CCDC32: variants seen among roughly 807,000 people sequenced by gnomAD.
CCDC32 encodes the protein coiled-coil domain containing 32.
Under a neutral mutation model 20.1 loss-of-function variants are expected in CCDC32, and 9 were observed. The ratio of observed to expected loss-of-function variants is 0.45; its 90% CI spans 0.27 to 0.78. The LOEUF (loss-of-function observed/expected upper bound fraction) is 0.78. Among genes scored for constraint, CCDC32 ranks in the 30% least tolerant of loss-of-function variants. The pLI is 0.16. For synonymous variants in CCDC32, 63 were observed against 79.0 expected, an observed-to-expected ratio of 0.80 and a Z score of 1.07; for missense variants, 204 against 215.5, an observed-to-expected ratio of 0.95 and a Z score of 0.33.
downstream of CCDC32, among the ~76,000 whole-genome samples, chr15:40,532,586 G>A (rs949898107): frequency 2.6e-5 from 4 of 151,862 alleles, no homozygotes; most frequent in African/African-American, 4.8e-5. Context: ...TGTAATCATG[G>A]ACAAATTTGT....
the CCDC32 span, among the ~76,000 whole-genome samples, chr15:40,522,825 TTTC>T: frequency 1.7e-5 from 1 of 57,544 alleles, no homozygotes; most frequent in Admixed American, 2.7e-4. Context: ...CTGGTTTTCC[TTTC>T]TTTTTTTTTT....
At chr15:40,555,172 G>T (rs1309870414) in intron 3 of CCDC32, among the ~76,000 whole-genome samples, 1 of 152,158 alleles carries the variant, frequency 6.6e-6, no homozygotes, top group Non-Finnish European at 1.5e-5. Context: ...TAGGCTCTGG[G>T]GAAAAATCTA....
chr15:40,541,846 A>C (rs1489595177), intron 3 of CCDC32, among the ~76,000 whole-genome samples: 3 of 152,202 alleles, frequency 2.0e-5, no homozygotes, highest in Admixed American at 1.3e-4. Context: ...CTTCCAACCC[A>C]AGAGTCTGTC....
chr15:40,559,445 G>A (rs929214372), intron 2 of CCDC32, among the ~76,000 whole-genome samples: 1 of 152,114 alleles, frequency 6.6e-6, no homozygotes, highest in Non-Finnish European at 1.5e-5. Context: ...AAGGGATCTC[G>A]TTCTATAGCT....
chr15:40,527,492 A>G (rs975106506), downstream of CCDC32, among the ~76,000 whole-genome samples: 6 of 152,204 alleles, frequency 3.9e-5, no homozygotes, highest in Admixed American at 2.6e-4. Flanking sequence ...ATTGTTGTAC[A>G]TAGGTGCTAT....
chr15:40,533,482 G>A (rs1888974796), downstream of CCDC32, among the ~76,000 whole-genome samples: 2 of 151,960 alleles, frequency 1.3e-5, no homozygotes, highest in Admixed American at 1.3e-4. Flanking sequence ...GAGTAGCTGG[G>A]ACTACAAGTG....
At chr15:40,564,889 A>C in intron 1 of CCDC32, 87 bp downstream of exon 1, 1 of 1,386,256 alleles carries the variant, frequency 7.2e-7, no homozygotes, top group Non-Finnish European at 1.0e-6. Context: ...GGGATGAATC[A>C]GGTCCCAAGG....
At position 40,563,161 on chromosome 15, in the gene CCDC32, G is replaced by A. The variant is rs536417991; in HGVS notation, c.-12-134C>T. ...TCAGATCATTTGAGGCCAGCAGTTC[G>A]AGACCAGCCTGGGAAACATGGCAAA... On this transcript the variant is annotated intron_variant, in intron 1 of 3. Coordinates refer to ENST00000416810, the MANE Select transcript of CCDC32 (RefSeq NM_001080792.4). The A allele has an allele frequency of 4.7e-4, 503 of 1,076,842 alleles. 2 individuals carry two copies. The highest frequency in any genetic ancestry group is 3.7e-3 in the African/African-American group (236 of 63,286). 66.7% of individuals were successfully genotyped at this position (1,076,842 alleles called of 1,614,324 possible).
At chr15:40,521,670 A>G in the CCDC32 span, among the ~76,000 whole-genome samples, 3 of 152,216 alleles carry the variant, frequency 2.0e-5, no homozygotes, top group East Asian at 5.8e-4. Context: ...TCTTTTTGAT[A>G]ATAGCCATCC....
intron 3 of CCDC32, among the ~76,000 whole-genome samples, chr15:40,545,042 A>G (rs556014440): frequency 1.9e-4 from 29 of 152,224 alleles, no homozygotes; most frequent in Non-Finnish European, 4.1e-4. Context: ...CAGAGGAAAA[A>G]GAAACCAACA....
Position 40,562,833 on chromosome 15 carries a change from G to C in CCDC32, c.183C>G (p.Val61=). 1 of 1,614,192 alleles carries C rather than the reference G, an allele frequency of 6.2e-7. No individual in the cohort carries two copies. The highest frequency in any genetic ancestry group is 8.5e-7 in the Non-Finnish European group (1 of 1,180,020). The change falls in exon 2 of 4, where the codon GTC becomes GTG. Residue 61 remains valine (V), a synonymous_variant. Coordinates refer to ENST00000416810, the MANE Select transcript of CCDC32 (RefSeq NM_001080792.4). ...GAGCCCAAGGCTTTACAGCTGGCTG[G>C]ACAGCAAAGTCAGCCACCTCCCTCT... ...EGQREVADFA[V]QPAVKPWAPL... is the part of the protein sequence containing the mutation.
chr15:40,545,428 C>G (rs1325061998), intron 3 of CCDC32, among the ~76,000 whole-genome samples: 1 of 151,158 alleles, frequency 6.6e-6, no homozygotes, highest in Non-Finnish European at 1.5e-5. Context: ...TGGATTACGT[C>G]AAAATGAAGG....
At chr15:40,538,972 C>T (rs1889252614), downstream of CCDC32, 1 of 489,242 alleles carries the variant, frequency 2.0e-6, no homozygotes, top group Non-Finnish European at 3.7e-6. Flanking sequence ...ACCGCAGGAG[C>T]CTGCTGGTGA....
At chr15:40,522,276 G>A in the CCDC32 span, among the ~76,000 whole-genome samples, 2 of 152,096 alleles carry the variant, frequency 1.3e-5, no homozygotes, top group Admixed American at 6.5e-5. Context: ...ATAAATGAAA[G>A]GGTATACTTC....
rs138082848 is a variant in CCDC32, at chr15:40,557,062, C to A, written c.401+154G>T. 22 of 768,514 alleles carry A rather than the reference C, an allele frequency of 2.9e-5. No individual in the cohort carries two copies. In the African/African-American group the frequency reaches 3.5e-4, roughly 12 times the overall value. The allele number at this position is 768,514 out of a possible 1,614,324, so 47.6% of individuals were successfully genotyped here. ...CTTAAAAATGAACACAATGCTTTAT[C>A]CTTAACTCTATTCAATCTGTGACCA... On this transcript the variant is annotated intron_variant, in intron 3 of 3. Transcript: ENST00000416810.
rs540630489 is a variant in CCDC32, at chr15:40,564,592, G to A, written c.-13+384C>T. Among the ~76,000 whole-genome samples, 7 of 152,308 alleles carry A rather than the reference G, an allele frequency of 4.6e-5. 1 individual carries two copies. Among genetic ancestry groups the A allele is most frequent in the Admixed American group, 3.3e-4 (5 of 15,294 alleles). ...AAGAGGAGACTTAGAAATCAGGAAG[G>A]CTGCCTGAGGCAAGGTCTGAATAAT... On this transcript the variant is annotated intron_variant, in intron 1 of 3. Transcript: ENST00000416810.
At chr15:40,550,539 T>G (rs56104006), downstream of CCDC32, among the ~76,000 whole-genome samples, 392 of 152,334 alleles carry the variant, frequency 2.6e-3, 1 homozygote, top group African/African-American at 9.1e-3. Flanking sequence ...CACCCAAGAC[T>G]CTCAGTTTCA....
chr15:40,552,010 A>C (rs2141627161), downstream of CCDC32, among the ~76,000 whole-genome samples: 1 of 152,078 alleles, frequency 6.6e-6, no homozygotes, highest in South Asian at 2.1e-4. Context: ...TTTAAAAATT[A>C]GCCAGGCATA....
intron 2 of CCDC32, among the ~76,000 whole-genome samples, chr15:40,559,819 A>G (rs1433635794): frequency 1.3e-5 from 2 of 152,210 alleles, no homozygotes; most frequent in Non-Finnish European, 2.9e-5. Context: ...CAAAGCATAT[A>G]ACAACACAAA....
Sources: gnomAD v4.1 joint callset for allele counts (sites outside exome capture counted in the v4.1 genomes callset) on GRCh38, gnomAD v4.1.1 for gene constraint, MANE v1.5 for transcripts, NCBI Gene and HGNC (gene_info 2026-07-23, HGNC 2026-07-21) for gene names.